The following GDAP2 variants were observed in gnomAD, a reference collection of about 807,000 sequenced individuals.
GDAP2 encodes ganglioside-induced differentiation-associated protein 2.
GDAP2 carries 51 observed loss-of-function variants against 67.0 expected under a neutral mutation model. The observed-to-expected ratio is 0.76, with a 90% confidence interval of 0.61 to 0.96. GDAP2 has a LOEUF of 0.96. Ranked by LOEUF, GDAP2 falls within the 40% of genes least tolerant of loss-of-function variation. The pLI is 0.00. For synonymous variants in GDAP2, 203 were observed against 207.3 expected (o/e 0.98, Z 0.18); for missense variants, 547 against 588.3 (o/e 0.93, Z 0.73).
At chr1:117,927,390 G>A (rs1208127383) in intron 1 of GDAP2, among the ~76,000 whole-genome samples, 2 of 152,090 alleles carry the variant, frequency 1.3e-5, no homozygotes, top group Non-Finnish European at 2.9e-5. Flanking sequence ...TTTCTGGATA[G>A]AAAGAAAATG....
At chr1:117,900,546 T>A (rs1241306057) in intron 6 of GDAP2, among the ~76,000 whole-genome samples, 5 of 152,052 alleles carry the variant, frequency 3.3e-5, no homozygotes, top group Non-Finnish European at 7.4e-5. Context: ...GGTGGAGGTA[T>A]CACGAGGTCA....
intron 8 of GDAP2, among the ~76,000 whole-genome samples, chr1:117,895,706 C>G (rs1405755310): frequency 6.6e-6 from 1 of 152,142 alleles, no homozygotes; most frequent in East Asian, 1.9e-4. Flanking sequence ...TTCCTTGGTG[C>G]CCCCTAGTGG....
chr1:117,897,831 A>G (rs1649317115), intron 7 of GDAP2, among the ~76,000 whole-genome samples: 1 of 152,178 alleles, frequency 6.6e-6, no homozygotes, highest in Non-Finnish European at 1.5e-5. Context: ...ACAGGCCAAT[A>G]GATTGGAAGG....
chr1:117,912,032 C>T lies in GDAP2; in HGVS notation c.521G>A (p.Arg174His), dbSNP rs763963913. 5 of 1,608,498 alleles carry T rather than the reference C, an allele frequency of 3.1e-6. No homozygotes were observed. Among genetic ancestry groups the T allele is most frequent in the African/African-American group, 1.3e-5 (1 of 74,892 alleles). The stretch of plus-strand genomic sequence containing the variant: ...TGTTGCATCCTCTAAAGGATAACCA[C>T]GTTTTGCAGAATTGATGACACAGAA... ...VGFCVINSAK[R>H]GYPLEDATHI... is the part of the protein sequence containing the mutation. The change falls in exon 5 of 14, where the codon CGT becomes CAT. Residue 174 changes from arginine to histidine, a missense_variant. Physicochemically the swap from Arg to His is conservative, Grantham distance 29. Transcript: ENST00000369443.
chr1:117,922,110 T>C (rs1184759497), intron 1 of GDAP2, among the ~76,000 whole-genome samples: 1 of 152,176 alleles, frequency 6.6e-6, no homozygotes, highest in Non-Finnish European at 1.5e-5. Flanking sequence ...CAAGTGTTTA[T>C]GTCAAACATG....
chr1:117,902,749 T>C (rs992590882), intron 6 of GDAP2, among the ~76,000 whole-genome samples: 1 of 152,216 alleles, frequency 6.6e-6, no homozygotes, highest in Non-Finnish European at 1.5e-5. Context: ...TCTGGGTCTC[T>C]TGCATATCCA....
At chr1:117,919,568 G>C (rs950811024) in intron 2 of GDAP2, among the ~76,000 whole-genome samples, 1 of 152,136 alleles carries the variant, frequency 6.6e-6, no homozygotes, top group Non-Finnish European at 1.5e-5. Flanking sequence ...AATGGGGAGT[G>C]ACTGCTAATG....
At position 117,916,956 on chromosome 1, in the gene GDAP2, C is replaced by G. The variant is rs564207611; in HGVS notation, c.316+1641G>C. ...AGCTGAGGCAGAAGAATCACTTGAA[C>G]CTGGGAGGCGGAGGTTGTGGTGAGC... On this transcript the variant is annotated intron_variant, in intron 3 of 13. Coordinates refer to ENST00000369443, the MANE Select transcript of GDAP2 (RefSeq NM_017686.4). Among the ~76,000 whole-genome samples the G allele has an allele frequency of 2.0e-3, 304 of 151,804 alleles. 1 individual carries two copies. Among genetic ancestry groups the G allele is most frequent in the Admixed American group, 6.6e-3 (101 of 15,272 alleles).
chr1:117,927,870 T>G (rs917287631), intron 1 of GDAP2, among the ~76,000 whole-genome samples: 9 of 152,202 alleles, frequency 5.9e-5, no homozygotes, highest in Non-Finnish European at 1.3e-4. Context: ...TTAAATGAAC[T>G]GCACTATGTT....
chr1:117,891,658 G>A (rs894484259), intron 8 of GDAP2, among the ~76,000 whole-genome samples: 56 of 152,136 alleles, frequency 3.7e-4, no homozygotes, highest in Admixed American at 1.3e-3. Context: ...TGTGTTTTGT[G>A]AATATCTGCC....
chr1:117,910,600 G>A (rs1318709550), intron 5 of GDAP2, among the ~76,000 whole-genome samples: 2 of 152,138 alleles, frequency 1.3e-5, no homozygotes, highest in African/African-American at 4.8e-5. Flanking sequence ...TTTGGTATTT[G>A]TGGATATAAG....
rs1648203243 is a variant in GDAP2 at position 117,870,115 on chromosome 1, A to G, written c.*454T>C. On this transcript the variant is annotated 3_prime_UTR_variant, in exon 14 of 14. Coordinates refer to ENST00000369443, the MANE Select transcript of GDAP2 (RefSeq NM_017686.4). The stretch of plus-strand genomic sequence containing the variant: ...GCCAAATTATCTTTATAAAATATAC[A>G]TGGTATTAACACCATGGATCTGAAG... The G allele has an allele frequency of 6.5e-6, 1 of 153,722 alleles. No individual in the cohort carries two copies. The highest frequency in any genetic ancestry group is 1.4e-5 in the Non-Finnish European group (1 of 69,146). The allele number at this position is 153,722 out of a possible 1,614,324, so 9.5% of individuals were successfully genotyped here. A position where few individuals can be genotyped will look rare whatever the true frequency, so the allele number is the denominator to read the frequency against.
rs1411776513 is a variant in GDAP2 at position 117,905,801 on chromosome 1, A to G, written c.636+705T>C. Reference sequence around the variant, plus strand: ...TTTCAGCAAATTCAAAAGTACATATATATGTTATATATGTAGCTATATATG... The same window carrying G: ...TTTCAGCAAATTCAAAAGTACATATGTATGTTATATATGTAGCTATATATG... On this transcript the variant is annotated intron_variant, in intron 6 of 13. Coordinates refer to ENST00000369443, the MANE Select transcript of GDAP2 (RefSeq NM_017686.4). 3.9e-5 allele frequency among the ~76,000 whole-genome samples: 6 copies of G among 152,180 alleles called. No individual in the cohort carries two copies. In the East Asian group the frequency reaches 9.6e-4, roughly 24 times the overall value.
intron 12 of GDAP2, among the ~76,000 whole-genome samples, chr1:117,878,594 C>A (rs1402636834): frequency 6.6e-6 from 1 of 152,124 alleles, no homozygotes; most frequent in East Asian, 1.9e-4. Flanking sequence ...AAAATTTGTG[C>A]CAATATTTGG....
At chr1:117,880,627 T>A (rs1432011981) in intron 12 of GDAP2, among the ~76,000 whole-genome samples, 2 of 152,186 alleles carry the variant, frequency 1.3e-5, no homozygotes, top group African/African-American at 2.4e-5. Context: ...TGAAGAGAGC[T>A]TCTTTAAGGA....
chr1:117,901,451 C>T (rs1649465711), intron 6 of GDAP2, among the ~76,000 whole-genome samples: 1 of 152,180 alleles, frequency 6.6e-6, no homozygotes, highest in South Asian at 2.1e-4. Flanking sequence ...GACTGTTTTC[C>T]AAAGTAGTTG....
rs61806134 is a variant in GDAP2 at position 117,900,827 on chromosome 1, G to A, written c.637-1611C>T. 3.1e-3 allele frequency among the ~76,000 whole-genome samples: 465 copies of A among 151,198 alleles called. 4 individuals carry two copies. Among genetic ancestry groups the A allele is most frequent in the South Asian group, 0.01 (50 of 4,790 alleles). On this transcript the variant is annotated intron_variant, in intron 6 of 13. Transcript: ENST00000369443. Reference sequence around the variant, plus strand: ...TATAATCCCAGCACTTAGGGAGGCCGAGGCGGACAGATCACGAAGTCAGGA... The same window carrying A: ...TATAATCCCAGCACTTAGGGAGGCCAAGGCGGACAGATCACGAAGTCAGGA...
chr1:117,885,247 C>CA (rs2101125555), intron 10 of GDAP2, among the ~76,000 whole-genome samples: 1 of 152,136 alleles, frequency 6.6e-6, no homozygotes, highest in South Asian at 2.1e-4. Flanking sequence ...CTCCACCCCC[C>CA]ACCCCAGGGC....
intron 8 of GDAP2, 68 bp downstream of exon 8, chr1:117,896,765 C>T: frequency 2.0e-6 from 2 of 1,021,488 alleles, no homozygotes; most frequent in Non-Finnish European, 1.4e-6. Flanking sequence ...GCTCATGCAT[C>T]AGATGCAAGG....
Sources: allele counts gnomAD v4.1 joint callset (sites outside exome capture counted in the v4.1 genomes callset), GRCh38; gene constraint gnomAD v4.1.1; transcripts MANE v1.5; gene names NCBI Gene and HGNC (gene_info 2026-07-23, HGNC 2026-07-21).